ADAM28: variants seen among roughly 807,000 people sequenced by gnomAD.
The protein encoded by ADAM28 is disintegrin and metalloproteinase domain-containing protein 28.
Under a neutral mutation model 101.2 loss-of-function variants are expected in ADAM28, and 105 were observed. That is an observed-to-expected ratio of 1.04 (90% CI 0.89 to 1.22). The LOEUF (loss-of-function observed/expected upper bound fraction) is 1.22. Ranked by LOEUF, ADAM28 falls within the 50% of genes most tolerant of loss-of-function variation. The pLI, the probability that ADAM28 is intolerant of heterozygous loss-of-function variation, is 0.00. For synonymous variants in ADAM28, 322 were observed against 310.6 expected, an observed-to-expected ratio of 1.04 and a Z score of -0.39; for missense variants, 1,028 against 945.4, an observed-to-expected ratio of 1.09 and a Z score of -1.15.
In ADAM28 at chr8:24,296,182, C is replaced by T. The variant is rs957292418; in HGVS notation, c.46+1987C>T. 3.3e-5 allele frequency: 5 copies of T among 152,176 alleles called. No homozygotes were observed. The East Asian group carries it at 9.6e-4, about 29-fold the overall frequency. The allele number at this position is 152,176 out of a possible 1,614,324, so 9.4% of individuals were successfully genotyped here. A position where few individuals can be genotyped will look rare whatever the true frequency, so the allele number is the denominator to read the frequency against. The stretch of plus-strand genomic sequence containing the variant: ...ATTACAGCAGAATACTCAGGGGGTA[C>T]AGCACTTTTTGAAATTATTTTATTT... On this transcript the variant is annotated intron_variant, in intron 1 of 22. Coordinates refer to ENST00000265769, the MANE Select transcript of ADAM28 (RefSeq NM_014265.6).
At chr8:24,351,943 A>T in intron 20 of ADAM28, 44 bp from the exon 21 acceptor site, 1 of 1,602,544 alleles carries the variant, frequency 6.2e-7, no homozygotes, top group South Asian at 1.1e-5. Context: ...AACTGTGCTT[A>T]TGAAACTAAT....
intron 16 of ADAM28, 53 bp from the exon 17 acceptor site, chr8:24,343,048 T>A: frequency 1.2e-6 from 2 of 1,611,656 alleles, no homozygotes; most frequent in Non-Finnish European, 1.7e-6. Flanking sequence ...ACCTCAACTT[T>A]CTCATCTACG....
In ADAM28 at chr8:24,326,621, G is replaced by A. The variant is rs555577712; in HGVS notation, c.958G>A (p.Val320Ile). The A allele has an allele frequency of 1.7e-5, 28 of 1,611,664 alleles. No homozygotes were observed. In the East Asian group the frequency reaches 3.6e-4, roughly 21 times the overall value. ...FMSTMCSPYS[V>I]GVVQDHSDNL... ...GTCTACAATGTGTTCTCCTTATTCT[G>A]TTGGCGTTGTTCAGGTCTGTATGAT... Residue 320 changes from valine to isoleucine, a missense_variant, in exon 10 of 23, where the codon GTT (valine) becomes ATT (isoleucine). Val to Ile is a conservative substitution (Grantham distance 29). Coordinates refer to ENST00000265769, the MANE Select transcript of ADAM28 (RefSeq NM_014265.6).
Position 24,300,012 on chromosome 8 carries a change from G to C in ADAM28, c.85G>C (p.Glu29Gln). The C allele has an allele frequency of 6.2e-7, 1 of 1,613,528 alleles. No homozygotes were observed. The highest frequency in any genetic ancestry group is 8.5e-7 in the Non-Finnish European group (1 of 1,179,982). ...AGAACTCCCTGGGGTGAAGAAGTATGAAGTGGTTTATCCTATAAGACTTCA... is the reference window on the plus strand; with the variant it reads ...AGAACTCCCTGGGGTGAAGAAGTATCAAGTGGTTTATCCTATAAGACTTCA... ...IKELPGVKKY[E>Q]VVYPIRLHPL... Residue 29 changes from glutamate to glutamine, a missense_variant, in exon 2 of 23, where the codon GAA becomes CAA. Transcript: ENST00000265769.
chr8:24,343,624 C>T (rs745318324), intron 18 of ADAM28, 40 bp downstream of exon 18: 29 of 1,571,764 alleles, frequency 1.8e-5, no homozygotes, highest in Non-Finnish European at 2.5e-5. Flanking sequence ...AAATTGCTCT[C>T]CTCTTCCAAG....
rs1253701981 is a variant in ADAM28, at chr8:24,353,804, TCAAG to T, written c.2280_2283del (p.Phe760LeufsTer62). On this transcript the variant is annotated frameshift_variant, in exon 22 of 23. Transcript: ENST00000265769. LOFTEE classifies it high-confidence loss of function. ...ACAAACGCACTTCCCCCTACTGTTT[TCAAG>T]GATAATCCAGTGTCTACACCTAAGG... 6.6e-7 allele frequency: 1 copy of T among 1,523,812 alleles called. No homozygotes were observed. The highest frequency in any genetic ancestry group is 9.1e-7 in the Non-Finnish European group (1 of 1,098,330). The allele number at this position is 1,523,812 out of a possible 1,614,324, so 94.4% of individuals were successfully genotyped here. A position where few individuals can be genotyped will look rare whatever the true frequency, so the allele number is the denominator to read the frequency against.
intron 19 of ADAM28, among the ~76,000 whole-genome samples, chr8:24,350,396 C>T (rs1019532333): frequency 4.6e-5 from 7 of 152,080 alleles, no homozygotes; most frequent in African/African-American, 1.7e-4. Context: ...ACTGCAACCT[C>T]CACACCTCCC....
intron 13 of ADAM28, among the ~76,000 whole-genome samples, chr8:24,334,007 A>G (rs1415055178): frequency 6.6e-6 from 1 of 152,120 alleles, no homozygotes; most frequent in Non-Finnish European, 1.5e-5. Flanking sequence ...GTTTGGTGTT[A>G]TTTTGTTTTT....
At chr8:24,347,282 T>C (rs1475905198) in intron 18 of ADAM28, among the ~76,000 whole-genome samples, 1 of 152,128 alleles carries the variant, frequency 6.6e-6, no homozygotes, top group Non-Finnish European at 1.5e-5. Context: ...AGAAATAATA[T>C]CTTTTTTATA....
Position 24,350,878 on chromosome 8 carries a change from T to C in ADAM28, c.2100-354T>C, listed in dbSNP as rs201471000. Among the ~76,000 whole-genome samples the C allele has an allele frequency of 1.4e-3, 82 of 59,874 alleles. 3 individuals are homozygous for C. In the East Asian group the frequency reaches 0.049, roughly 36 times the overall value. 39.3% of individuals were successfully genotyped at this position (59,874 alleles called of 152,430 possible). On this transcript the variant is annotated intron_variant, in intron 19 of 22. Transcript: ENST00000265769. ...GGCACAACGGTGTTTTTTTTTTTTT[T>C]TTTTTTTTTTTTAGCACTTTTAAAG...
intron 18 of ADAM28, among the ~76,000 whole-genome samples, chr8:24,349,273 T>A (rs1341526959): frequency 6.6e-6 from 1 of 152,176 alleles, no homozygotes; most frequent in African/African-American, 2.4e-5. Context: ...AGTGAAGTTA[T>A]ATTCATTATT....
intron 1 of ADAM28, chr8:24,296,136 AAGG>A (rs982031807): frequency 3.2e-4 from 48 of 152,332 alleles, no homozygotes; most frequent in African/African-American, 1.0e-3. Flanking sequence ...TGCATCAACA[AAGG>A]AGAAAGGTGC....
At chr8:24,339,913 T>C (rs1338165478) in intron 15 of ADAM28, among the ~76,000 whole-genome samples, 3 of 152,186 alleles carry the variant, frequency 2.0e-5, no homozygotes, top group African/African-American at 4.8e-5. Flanking sequence ...AATCAGATGC[T>C]TTCTCAATCT....
chr8:24,336,243 A>G (rs1814031150), intron 14 of ADAM28: 2 of 887,690 alleles, frequency 2.3e-6, no homozygotes, highest in African/African-American at 1.8e-5. Context: ...TTGAAAAATA[A>G]AAGTTTAAAG....
intron 2 of ADAM28, among the ~76,000 whole-genome samples, chr8:24,301,750 T>C (rs1585503460): frequency 6.6e-6 from 1 of 152,206 alleles, no homozygotes; most frequent in African/African-American, 2.4e-5. Context: ...AGAGTCCATA[T>C]GTTCTCCTGA....
At chr8:24,329,531 C>T (rs922424220) in intron 10 of ADAM28, among the ~76,000 whole-genome samples, 4 of 152,080 alleles carry the variant, frequency 2.6e-5, no homozygotes, top group African/African-American at 9.7e-5. Flanking sequence ...TTTTAATTGA[C>T]TGATGTCTGT....
At chr8:24,336,150 G>T (rs1814019701) in intron 14 of ADAM28, 1 of 985,374 alleles carries the variant, frequency 1.0e-6, no homozygotes, top group African/African-American at 1.7e-5. Flanking sequence ...AGCCAATAAA[G>T]AAAAGTGAAA....
In ADAM28 at chr8:24,335,530, CCT is replaced by C; in HGVS notation, c.1457_1458del (p.Pro486ArgfsTer2). 6.2e-7 allele frequency: 1 copy of C among 1,614,092 alleles called. No homozygotes were observed. Among genetic ancestry groups the C allele is most frequent in the Non-Finnish European group, 8.5e-7 (1 of 1,180,006 alleles). On this transcript the variant is annotated frameshift_variant, in exon 14 of 23. Coordinates refer to ENST00000265769, the MANE Select transcript of ADAM28 (RefSeq NM_014265.6). LOFTEE classifies it high-confidence loss of function. ...EMCNGKSGNC[P>X]DDRFQVNGFP... ...GTGTAATGGTAAATCTGGTAATTGT[CCT>C]GATGATAGATTCCAAGTCAATGGCT...
chr8:24,306,359 A>T (rs28642900), intron 2 of ADAM28, among the ~76,000 whole-genome samples: 5,601 of 102,208 alleles, frequency 0.055, 362 homozygotes, highest in African/African-American at 0.14. Context: ...CAAATAAATA[A>T]ATAAATATAT....
Sources: allele counts gnomAD v4.1 joint callset (sites outside exome capture counted in the v4.1 genomes callset), GRCh38; gene constraint gnomAD v4.1.1; transcripts MANE v1.5; gene names NCBI Gene and HGNC (gene_info 2026-07-23, HGNC 2026-07-21).